SLC25A48: variants seen among roughly 807,000 people sequenced by gnomAD.
The protein encoded by SLC25A48 is CTC-321K16.1.
Under a neutral mutation model 32.2 loss-of-function variants are expected in SLC25A48, and 29 were observed. The ratio of observed to expected loss-of-function variants is 0.90; its 90% CI spans 0.67 to 1.23. The LOEUF (loss-of-function observed/expected upper bound fraction) is 1.23. Among genes scored for constraint, SLC25A48 ranks in the 50% most tolerant of loss-of-function variants. SLC25A48 has a pLI of 0.00. For missense variants in SLC25A48, 399 were observed against 422.7 expected, an observed-to-expected ratio of 0.94 and a Z score of 0.49; for synonymous variants, 164 against 172.3, an observed-to-expected ratio of 0.95 and a Z score of 0.38.
At chr5:135,607,198 C>A (rs1353344654) in intron 1 of SLC25A48, among the ~76,000 whole-genome samples, 1 of 152,218 alleles carries the variant, frequency 6.6e-6, no homozygotes, top group African/African-American at 2.4e-5. Context: ...TTCTCCAGCC[C>A]CTTTCCTTCC....
At chr5:135,849,665 C>CATAG (rs1200925802) in intron 2 of SLC25A48, among the ~76,000 whole-genome samples, 1 of 152,292 alleles carries the variant, frequency 6.6e-6, no homozygotes, top group African/African-American at 2.4e-5. Context: ...TAATCAAATA[C>CATAG]ATAGGGCCAC....
chr5:135,821,522 T>G (rs1335156367), intron 4 of SLC25A48, among the ~76,000 whole-genome samples: 1 of 152,172 alleles, frequency 6.6e-6, no homozygotes, highest in Non-Finnish European at 1.5e-5. Flanking sequence ...GCTGAGTCAC[T>G]CTCACAGTCT....
chr5:135,839,163 T>G (rs1439897099), intron 1 of SLC25A48, among the ~76,000 whole-genome samples: 1 of 152,226 alleles, frequency 6.6e-6, no homozygotes, highest in Non-Finnish European at 1.5e-5. Flanking sequence ...TCCTTTGCAG[T>G]GGGGCATGCA....
At chr5:135,768,966 G>A (rs867237465) in intron 3 of SLC25A48, among the ~76,000 whole-genome samples, 2 of 151,756 alleles carry the variant, frequency 1.3e-5, no homozygotes, top group African/African-American at 4.8e-5. Flanking sequence ...ATATTCATAG[G>A]GGGAGAGGAT....
intron 4 of SLC25A48, among the ~76,000 whole-genome samples, chr5:135,820,974 A>T (rs923237349): frequency 4.6e-5 from 7 of 152,144 alleles, no homozygotes; most frequent in Non-Finnish European, 7.4e-5. Flanking sequence ...GGTCCTGGAG[A>T]TGTCTCAGCC....
At chr5:135,713,598 G>T (rs1177451766) in intron 3 of SLC25A48, among the ~76,000 whole-genome samples, 1 of 152,232 alleles carries the variant, frequency 6.6e-6, no homozygotes, top group African/African-American at 2.4e-5. Context: ...CTTATAAGTA[G>T]CAGTACCGAT....
intron 7 of SLC25A48, among the ~76,000 whole-genome samples, chr5:135,887,081 C>G (rs1007624202): frequency 6.6e-6 from 1 of 152,154 alleles, no homozygotes; most frequent in Admixed American, 6.5e-5. Context: ...CCAACAATTA[C>G]TGGAAATTCA....
At chr5:135,661,229 T>C (rs771037707) in intron 3 of SLC25A48, among the ~76,000 whole-genome samples, 1 of 152,208 alleles carries the variant, frequency 6.6e-6, no homozygotes, top group Non-Finnish European at 1.5e-5. Flanking sequence ...CCTCTCTTCC[T>C]TCACCGGATA....
chr5:135,795,877 G>A (rs1359727146), intron 3 of SLC25A48, among the ~76,000 whole-genome samples: 1 of 148,434 alleles, frequency 6.7e-6, no homozygotes. Context: ...CCGATGATAT[G>A]GTTCATAATA....
chr5:135,789,197 C>A (rs900629840), intron 3 of SLC25A48, among the ~76,000 whole-genome samples: 8 of 21,696 alleles, frequency 3.7e-4, no homozygotes, highest in Non-Finnish European at 1.2e-3. Flanking sequence ...TGGGTGTACA[C>A]CCTCCCCCGC....
intron 3 of SLC25A48, among the ~76,000 whole-genome samples, chr5:135,729,964 C>T (rs960996927): frequency 6.6e-6 from 1 of 152,144 alleles, no homozygotes; most frequent in Non-Finnish European, 1.5e-5. Context: ...CTCACGTGCT[C>T]AGAGCAATGG....
intron 1 of SLC25A48, among the ~76,000 whole-genome samples, chr5:135,840,158 T>C (rs1426223608): frequency 6.6e-6 from 1 of 152,222 alleles, no homozygotes; most frequent in East Asian, 1.9e-4. Flanking sequence ...TATTCATCAC[T>C]TTTCCAAAGA....
chr5:135,801,213 C>T (rs1175672639), intron 3 of SLC25A48, among the ~76,000 whole-genome samples: 1 of 150,436 alleles, frequency 6.6e-6, no homozygotes, highest in Non-Finnish European at 1.5e-5. Context: ...GATGATATTA[C>T]TCCCAATATC....
At chr5:135,881,465 C>A (rs192851626) in intron 7 of SLC25A48, among the ~76,000 whole-genome samples, 1 of 152,356 alleles carries the variant, frequency 6.6e-6, no homozygotes, top group East Asian at 1.9e-4. Context: ...ATGCTCTCCA[C>A]TTTTTGCTAA....
chr5:135,837,613 T>C (rs1436702736), intron 1 of SLC25A48, among the ~76,000 whole-genome samples: 1 of 152,186 alleles, frequency 6.6e-6, no homozygotes, highest in Non-Finnish European at 1.5e-5. Flanking sequence ...GAATCATGGG[T>C]ACAGGCTTTC....
chr5:135,810,658 C>T (rs1190629702), intron 3 of SLC25A48, among the ~76,000 whole-genome samples: 1 of 152,204 alleles, frequency 6.6e-6, no homozygotes, highest in Non-Finnish European at 1.5e-5. Flanking sequence ...TTTTGTCCTA[C>T]TCTTCCCAAG....
At position 135,780,936 on chromosome 5, in the gene SLC25A48, A is replaced by G. The variant is rs1756703912; in HGVS notation, c.-520-31587A>G. Among the ~76,000 whole-genome samples the G allele has an allele frequency of 1.7e-5, 2 of 116,162 alleles. 1 individual carries two copies. Among genetic ancestry groups the G allele is most frequent in the Non-Finnish European group, 4.2e-5 (2 of 47,272 alleles). 76.2% of individuals were successfully genotyped at this position (116,162 alleles called of 152,430 possible). A position where few individuals can be genotyped will look rare whatever the true frequency, so the allele number is the denominator to read the frequency against. The stretch of plus-strand genomic sequence containing the variant: ...ACATCCCCCCGTAATATTGTTTTTA[A>G]TATTCAGGGTAAGAGCGGATATTAC... On this transcript the variant is annotated intron_variant, in intron 3 of 10. Transcript: ENST00000646290.
rs546968368 is a variant in SLC25A48 at position 135,617,991 on chromosome 5, G to T, written c.-848-11246G>T. ...TTCTTTGCTAGTTTTCTGTCTAGAT[G>T]ATGTGTTTAATGCTTAGAGTGGGAT... On this transcript the variant is annotated intron_variant, in intron 1 of 10. Transcript: ENST00000646290. Among the ~76,000 whole-genome samples the T allele has an allele frequency of 3.9e-5, 6 of 152,052 alleles. No homozygotes were observed. In the South Asian group the frequency reaches 1.2e-3, roughly 32 times the overall value.
At chr5:135,792,301 G>T (rs1210494950) in intron 3 of SLC25A48, among the ~76,000 whole-genome samples, 1 of 151,586 alleles carries the variant, frequency 6.6e-6, no homozygotes, top group African/African-American at 2.4e-5. Context: ...GTAAGCTAGG[G>T]GGATATTATC....
Sources: allele counts gnomAD v4.1 joint callset (sites outside exome capture counted in the v4.1 genomes callset), GRCh38; gene constraint gnomAD v4.1.1; transcripts MANE v1.5; gene names NCBI Gene and HGNC (gene_info 2026-07-23, HGNC 2026-07-21).